The following TAPT1 variants were observed in gnomAD, a reference collection of about 807,000 sequenced individuals.
The protein encoded by TAPT1 is transmembrane anterior posterior transformation 1.
Under a neutral mutation model 65.6 loss-of-function variants are expected in TAPT1, and 28 were observed. The observed-to-expected ratio is 0.43, with a 90% CI of 0.32 to 0.59. The LOEUF is 0.59. TAPT1 is among the 20% of genes least tolerant of loss of function. The pLI is 0.09. For missense variants in TAPT1, 563 were observed against 679.9 expected, an observed-to-expected ratio of 0.83 and a Z score of 1.91; for synonymous variants, 278 against 245.2, an observed-to-expected ratio of 1.13 and a Z score of -1.25.
chr4:16,161,119 G>A lies in TAPT1; in HGVS notation c.*2189C>T, dbSNP rs1420626264. 2 of 152,330 alleles carry A rather than the reference G, an allele frequency of 1.3e-5. No individual in the cohort carries two copies. The highest frequency in any genetic ancestry group is 2.9e-5 in the Non-Finnish European group (2 of 68,038). The allele number at this position is 152,330 out of a possible 1,614,324, so 9.4% of individuals were successfully genotyped here. A position where few individuals can be genotyped will look rare whatever the true frequency, so the allele number is the denominator to read the frequency against. On this transcript the variant is annotated 3_prime_UTR_variant, in exon 14 of 14. Coordinates refer to ENST00000405303, the MANE Select transcript of TAPT1 (RefSeq NM_153365.3). ...TATTAAATGGTCTATAATCAAGGCC[G>A]AGCCTATTTTTTCCAAAGACAAAAT...
chr4:16,198,637 A>C (rs1204613941), intron 3 of TAPT1, among the ~76,000 whole-genome samples: 1 of 152,212 alleles, frequency 6.6e-6, no homozygotes, highest in East Asian at 1.9e-4. Context: ...TTCTTTGAAA[A>C]AAATAAAGTC....
chr4:16,202,530 G>A lies in TAPT1; in HGVS notation c.381C>T (p.Phe127=). The part of the protein sequence containing the change: ...FLCLDAFLYV[F]TLLPLRVFLA... ...GGAAAACTCTTAAAGGAAGCAGGGT[G>A]AACACATACAAAAACGCATCCAGGC... Residue 127 remains phenylalanine (F), a synonymous_variant, in exon 3 of 14, where the codon TTC becomes TTT. Coordinates refer to ENST00000405303, the MANE Select transcript of TAPT1 (RefSeq NM_153365.3). The A allele has an allele frequency of 6.4e-7, 1 of 1,550,834 alleles. No individual in the cohort carries two copies. Among genetic ancestry groups the A allele is most frequent in the Non-Finnish European group, 8.7e-7 (1 of 1,147,268 alleles).
chr4:16,198,099 A>G (rs1749821425), intron 3 of TAPT1, among the ~76,000 whole-genome samples: 1 of 152,212 alleles, frequency 6.6e-6, no homozygotes, highest in Admixed American at 6.5e-5. Context: ...CTGCTGGATG[A>G]GCCATCATGA....
chr4:16,162,996 C>A lies in TAPT1; in HGVS notation c.*312G>T. On this transcript the variant is annotated 3_prime_UTR_variant, in exon 14 of 14. Coordinates refer to ENST00000405303, the MANE Select transcript of TAPT1 (RefSeq NM_153365.3). ...AAATTCAACATTCTGGAAGCCCAGA[C>A]TGACAAAGCAAAACAGATTTTGATG... The A allele has an allele frequency of 2.0e-6, 1 of 488,576 alleles. No homozygotes were observed. 30.3% of individuals were successfully genotyped at this position (488,576 alleles called of 1,614,324 possible). A position where few individuals can be genotyped will look rare whatever the true frequency, so the allele number is the denominator to read the frequency against.
At chr4:16,213,564 T>C (rs914750355) in intron 2 of TAPT1, among the ~76,000 whole-genome samples, 7 of 152,222 alleles carry the variant, frequency 4.6e-5, no homozygotes, top group Admixed American at 1.3e-4. Flanking sequence ...CAGATTTTGA[T>C]AGATCTATTA....
chr4:16,202,243 A>T (rs1043734610), intron 3 of TAPT1, among the ~76,000 whole-genome samples: 1 of 152,186 alleles, frequency 6.6e-6, no homozygotes, highest in Non-Finnish European at 1.5e-5. Flanking sequence ...GCTAAAGCAA[A>T]GTTTCGGTTC....
Position 16,202,695 on chromosome 4 carries a change from T to C in TAPT1, c.331-115A>G, listed in dbSNP as rs367688743. The C allele has an allele frequency of 2.3e-4, 130 of 573,388 alleles. 1 individual carries two copies. Among genetic ancestry groups the C allele is most frequent in the African/African-American group, 2.1e-3 (109 of 52,534 alleles). The allele number at this position is 573,388 out of a possible 1,614,324, so 35.5% of individuals were successfully genotyped here. ...TATAAAAAATTAATTTCTTAAAACT[T>C]AGCCCTGGGAATAACAAATTAACAG... On this transcript the variant is annotated intron_variant, in intron 2 of 13. Coordinates refer to ENST00000405303, the MANE Select transcript of TAPT1 (RefSeq NM_153365.3).
rs149712194 is a variant in TAPT1, at chr4:16,174,112, C to A, written c.1236+92G>T. 1.2e-3 allele frequency: 1,279 copies of A among 1,078,852 alleles called. 27 individuals carry two copies. The East Asian group carries it at 0.03, about 25-fold the overall frequency. 66.8% of individuals were successfully genotyped at this position (1,078,852 alleles called of 1,614,324 possible). On this transcript the variant is annotated intron_variant, in intron 11 of 13. Transcript: ENST00000405303. The stretch of plus-strand genomic sequence containing the variant: ...TTTACCCTTAATTTTTATATCAAGT[C>A]CTTTTGAAACAATCATATTAATAAT...
chr4:16,199,090 T>G (rs1311425284), intron 3 of TAPT1, among the ~76,000 whole-genome samples: 1 of 152,190 alleles, frequency 6.6e-6, no homozygotes, highest in African/African-American at 2.4e-5. Context: ...AAAGCATTTA[T>G]AATTGCCTGA....
At chr4:16,196,863 G>C in intron 3 of TAPT1, 2 of 447,400 alleles carry the variant, frequency 4.5e-6, no homozygotes, top group Non-Finnish European at 8.8e-6. Context: ...CAACAAATAA[G>C]CCACATAGAT....
intron 9 of TAPT1, 149 bp downstream of exon 9, chr4:16,175,968 CAG>C: frequency 1.9e-6 from 1 of 533,616 alleles, no homozygotes. Context: ...AATATTAAAA[CAG>C]AATACTTTCA....
At position 16,188,276 on chromosome 4, in the gene TAPT1, CT is replaced by C; in HGVS notation, c.691del (p.Arg231GlufsTer8). The C allele has an allele frequency of 6.2e-7, 1 of 1,612,566 alleles. No individual in the cohort carries two copies. Among genetic ancestry groups the C allele is most frequent in the Non-Finnish European group, 8.5e-7 (1 of 1,179,212 alleles). ...AATCACCCCAATGTGGGCTCTTTTT[CT>C]TTCTTTAGGCTCTGTTGCTGTCCAA... ...LYWTATEPKE[R>X]KRAHIGVIPH... On this transcript the variant is annotated frameshift_variant, in exon 5 of 14. Coordinates refer to ENST00000405303, the MANE Select transcript of TAPT1 (RefSeq NM_153365.3). LOFTEE classifies it high-confidence loss of function.
intron 8 of TAPT1, 139 bp from the exon 9 acceptor site, chr4:16,176,367 C>T (rs1025882633): frequency 1.8e-5 from 10 of 558,066 alleles, no homozygotes; most frequent in Non-Finnish European, 2.5e-5. Flanking sequence ...TCAATTATAA[C>T]CTTTATCAAA....
chr4:16,196,287 AC>A (rs1749703151), intron 3 of TAPT1, among the ~76,000 whole-genome samples: 1 of 152,356 alleles, frequency 6.6e-6, no homozygotes, highest in Non-Finnish European at 1.5e-5. Context: ...GAAAAAAATA[AC>A]TTATTTATAA....
chr4:16,211,617 A>C (rs1017494314), intron 2 of TAPT1, among the ~76,000 whole-genome samples: 1 of 152,222 alleles, frequency 6.6e-6, no homozygotes, highest in Admixed American at 6.5e-5. Flanking sequence ...TCTCTCAGGG[A>C]AAACAAAAAT....
chr4:16,188,318 A>G lies in TAPT1; in HGVS notation c.650T>C (p.Ile217Thr), dbSNP rs1401876750. ...DRLFSSFGQD[I>T]LDALYWTATE... ...TGCTGTCCAATAGAGAGCATCTAAT[A>G]TGTCTTGTCCAAAAGATGAAAACAG... Residue 217 changes from isoleucine (I) to threonine (T), a missense_variant, in exon 5 of 14, where the codon ATA becomes ACA. By Grantham distance (89) the Ile-to-Thr change is moderately conservative. Transcript: ENST00000405303. 5.0e-6 allele frequency: 8 copies of G among 1,608,106 alleles called. No homozygotes were observed. The Middle Eastern group carries it at 6.6e-4, about 133-fold the overall frequency.
chr4:16,172,642 GC>G (rs1306698221), intron 11 of TAPT1, among the ~76,000 whole-genome samples: 1 of 152,068 alleles, frequency 6.6e-6, no homozygotes, highest in Non-Finnish European at 1.5e-5. Context: ...AATTTAAATA[GC>G]ATTAAGCCTA....
chr4:16,220,197 T>A (rs904288707), intron 1 of TAPT1, among the ~76,000 whole-genome samples: 13 of 152,376 alleles, frequency 8.5e-5, no homozygotes, highest in African/African-American at 2.9e-4. Flanking sequence ...TACAGTTGAC[T>A]GGTTAATTAT....
rs1747209158 is a variant in TAPT1 at position 16,160,790 on chromosome 4, C to G, written c.*2518G>C. On this transcript the variant is annotated 3_prime_UTR_variant, in exon 14 of 14. Coordinates refer to ENST00000405303, the MANE Select transcript of TAPT1 (RefSeq NM_153365.3). ...TTTATCTCCTCCTCTGCTGAGTTAC[C>G]AGGAGTGGCAGGATATATTTTGATG... 1 of 152,544 alleles carries G rather than the reference C, an allele frequency of 6.6e-6. No individual in the cohort carries two copies. The highest frequency in any genetic ancestry group is 1.5e-5 in the Non-Finnish European group (1 of 68,032). The allele number at this position is 152,544 out of a possible 1,614,324, so 9.4% of individuals were successfully genotyped here.
Sources: allele counts gnomAD v4.1 joint callset (sites outside exome capture counted in the v4.1 genomes callset), GRCh38; gene constraint gnomAD v4.1.1; transcripts MANE v1.5; gene names NCBI Gene and HGNC (gene_info 2026-07-23, HGNC 2026-07-21).